The following PCBP3 variants were observed in gnomAD, a reference collection of about 807,000 sequenced individuals.
PCBP3 encodes the protein poly(rC)-binding protein 3.
In PCBP3, 25 loss-of-function variants were observed where a neutral mutation model predicts 52.7. That is an observed-to-expected ratio of 0.47 (90% CI 0.35 to 0.66). PCBP3 has a LOEUF of 0.66. Among genes scored for constraint, PCBP3 ranks in the 30% least tolerant of loss-of-function variants. The pLI is 0.01. For synonymous variants in PCBP3, 162 were observed against 183.0 expected (o/e 0.89, Z 0.93); for missense variants, 391 against 490.3 (o/e 0.80, Z 1.91).
intron 6 of PCBP3, among the ~76,000 whole-genome samples, chr21:45,896,929 G>A (rs9979140): frequency 0.04 from 973 of 24,426 alleles, 38 homozygotes; most frequent in African/African-American, 0.13. Context: ...TAGGAAAGGC[G>A]GACATGGCAC....
chr21:45,752,987 A>T (rs1473900389), intron 3 of PCBP3: 1 of 152,860 alleles, frequency 6.5e-6, no homozygotes, highest in Non-Finnish European at 1.4e-5. Context: ...AAAAAAAAAA[A>T]AAAATTAGCT....
chr21:45,895,229 T>G (rs2095794613), intron 5 of PCBP3, among the ~76,000 whole-genome samples: 2 of 152,226 alleles, frequency 1.3e-5, no homozygotes, highest in African/African-American at 4.8e-5. Context: ...CAGAACTATT[T>G]TATTGAGAAA....
intron 4 of PCBP3, among the ~76,000 whole-genome samples, chr21:45,809,524 T>C (rs1230599160): frequency 6.6e-6 from 1 of 152,200 alleles, no homozygotes; most frequent in Admixed American, 6.5e-5. Context: ...CCTGTCAGCC[T>C]GGGCCGGCTG....
chr21:45,704,706 A>G lies in PCBP3; in HGVS notation c.-199-30686A>G, dbSNP rs552563714. 3.3e-5 allele frequency among the ~76,000 whole-genome samples: 5 copies of G among 152,232 alleles called. No homozygotes were observed. The highest frequency in any genetic ancestry group is 7.2e-5 in the African/African-American group (3 of 41,456). On this transcript the variant is annotated intron_variant, in intron 2 of 17. Coordinates refer to ENST00000681687, the MANE Select transcript of PCBP3 (RefSeq NM_001384156.1). The surrounding 1 kb of genome is among the most constrained non-coding windows in gnomAD (Gnocchi z 4.1). The stretch of plus-strand genomic sequence containing the variant: ...CAACAGCAAGAGATGCCTTGTCCAT[A>G]GCTTCCTGACCTCTGGAAGAACAGA...
Position 45,736,481 on chromosome 21 carries a change from C to T in PCBP3, c.-162+1052C>T, listed in dbSNP as rs938525446. Among the ~76,000 whole-genome samples the T allele has an allele frequency of 5.9e-5, 9 of 152,140 alleles. No homozygotes were observed. In the East Asian group the frequency reaches 9.7e-4, roughly 16 times the overall value. ...CCTGAGGAGACAGTGCTGCGGGCCC[C>T]GCCTACTAACTTCCAGAGATGTCAG... is the stretch of plus-strand genomic sequence containing the variant. On this transcript the variant is annotated intron_variant, in intron 3 of 17. Transcript: ENST00000681687. This position sits in a 1 kb window ranked among gnomAD's most constrained non-coding sequence, Gnocchi z 4.6.
At chr21:45,716,092 T>G (rs2084200199) in intron 2 of PCBP3, among the ~76,000 whole-genome samples, 1 of 152,192 alleles carries the variant, frequency 6.6e-6, no homozygotes. Flanking sequence ...TCTAAGAGCT[T>G]CAATAGGTTT....
chr21:45,652,648 G>T (rs2079766333), intron 1 of PCBP3, among the ~76,000 whole-genome samples: 1 of 152,006 alleles, frequency 6.6e-6, no homozygotes, highest in African/African-American at 2.4e-5. Flanking sequence ...TCACCATGTT[G>T]GCCAGGCTGG....
chr21:45,826,318 T>G (rs865991235), intron 4 of PCBP3, among the ~76,000 whole-genome samples: 3 of 152,118 alleles, frequency 2.0e-5, no homozygotes, highest in Non-Finnish European at 4.4e-5. Flanking sequence ...CCAGGTGTCA[T>G]GTTACCTCAA....
Position 45,692,513 on chromosome 21 carries a change from G to A in PCBP3, c.-200+23561G>A, listed in dbSNP as rs142575546. Among the ~76,000 whole-genome samples the A allele has an allele frequency of 2.1e-3, 318 of 152,254 alleles. 1 individual carries two copies. The highest frequency in any genetic ancestry group is 7.3e-3 in the African/African-American group (304 of 41,572). On this transcript the variant is annotated intron_variant, in intron 2 of 17. Coordinates refer to ENST00000681687, the MANE Select transcript of PCBP3 (RefSeq NM_001384156.1). ...AATATCCTAAACAACTTTAGCCAGCGTATTAAACAACTGGGAATAATTGGT... is the reference window on the plus strand; with the variant it reads ...AATATCCTAAACAACTTTAGCCAGCATATTAAACAACTGGGAATAATTGGT...
At chr21:45,899,730 G>C in intron 7 of PCBP3, 108 bp downstream of exon 7, 1 of 781,008 alleles carries the variant, frequency 1.3e-6, no homozygotes, top group East Asian at 2.5e-5. Flanking sequence ...GCCTTTCCCA[G>C]TTGGTGGGTG....
intron 5 of PCBP3, among the ~76,000 whole-genome samples, chr21:45,881,098 G>A (rs934019992): frequency 2.0e-5 from 3 of 152,130 alleles, no homozygotes; most frequent in African/African-American, 7.2e-5. Flanking sequence ...CTCTATTCCT[G>A]TTTTTTTCTG....
chr21:45,888,990 C>T (rs548847531), intron 5 of PCBP3, among the ~76,000 whole-genome samples: 3 of 152,366 alleles, frequency 2.0e-5, no homozygotes, highest in Admixed American at 6.5e-5. Context: ...CATTAAATAG[C>T]CCTTGTATGT....
At chr21:45,903,614 A>G (rs1354624457) in intron 9 of PCBP3, among the ~76,000 whole-genome samples, 1 of 152,232 alleles carries the variant, frequency 6.6e-6, no homozygotes, top group Non-Finnish European at 1.5e-5. Context: ...TAACATAACA[A>G]TTATCATAAA....
At chr21:45,814,294 AGTGAGTG>A (rs1161796002) in intron 4 of PCBP3, among the ~76,000 whole-genome samples, 65 of 143,900 alleles carry the variant, frequency 4.5e-4, no homozygotes, top group Admixed American at 1.4e-4. Context: ...TGAGTGAGCT[AGTGAGTG>A]GTGAGTGGTG....
chr21:45,646,101 C>CTGTGTGTG (rs1409409428), intron 1 of PCBP3, among the ~76,000 whole-genome samples: 1 of 76,438 alleles, frequency 1.3e-5, no homozygotes, highest in Admixed American at 1.6e-4. Flanking sequence ...CTCTCTCTCT[C>CTGTGTGTG]TCTCTCTGTG....
intron 2 of PCBP3, among the ~76,000 whole-genome samples, chr21:45,708,599 A>G (rs1243391848): frequency 6.6e-6 from 1 of 152,262 alleles, no homozygotes; most frequent in Non-Finnish European, 1.5e-5. Context: ...AGATAAAGAA[A>G]TAAAAATCAA....
chr21:45,729,723 G>C (rs1366540110), intron 2 of PCBP3, among the ~76,000 whole-genome samples: 2 of 152,010 alleles, frequency 1.3e-5, no homozygotes, highest in African/African-American at 4.8e-5. Context: ...AGTGCAACTA[G>C]ATATTTATCA....
At chr21:45,898,924 C>A (rs932553827) in intron 6 of PCBP3, among the ~76,000 whole-genome samples, 1 of 151,966 alleles carries the variant, frequency 6.6e-6, no homozygotes, top group African/African-American at 2.4e-5. Flanking sequence ...TGCACGCCGT[C>A]CTCACGGCCT....
intron 14 of PCBP3, 50 bp from the exon 15 acceptor site, chr21:45,930,736 T>C (rs1183251691): frequency 2.3e-6 from 2 of 878,810 alleles, no homozygotes; most frequent in Non-Finnish European, 3.9e-6. Context: ...GGGACCCTGC[T>C]TATCTCCTTG....
Sources: gnomAD v4.1 joint callset for allele counts (sites outside exome capture counted in the v4.1 genomes callset) on GRCh38, gnomAD v4.1.1 for gene constraint, Gnocchi (gnomAD v3.1) non-coding constraint, MANE v1.5 for transcripts, NCBI Gene and HGNC (gene_info 2026-07-23, HGNC 2026-07-21) for gene names.